The following GRM1 variants were observed in gnomAD, a reference collection of about 807,000 sequenced individuals.
GRM1 encodes the protein glutamate metabotropic receptor 1.
A neutral mutation model predicts 90.9 loss-of-function variants in GRM1; 33 were observed. That is an observed-to-expected ratio of 0.36 (90% CI 0.28 to 0.49). GRM1 has a LOEUF of 0.49. Ranked by LOEUF, GRM1 falls within the 20% of genes least tolerant of loss-of-function variation. The pLI is 0.99. For missense variants in GRM1, 1,190 were observed against 1,534.3 expected (o/e 0.78, Z 3.75); for synonymous variants, 700 against 613.2 (o/e 1.14, Z -2.09).
intron 2 of GRM1, among the ~76,000 whole-genome samples, chr6:146,184,050 C>T (rs1031225027): frequency 6.6e-6 from 1 of 152,090 alleles, no homozygotes; most frequent in Non-Finnish European, 1.5e-5. Context: ...TGGAACACTG[C>T]TGGATTTAGC....
At chr6:146,169,130 T>C (rs1256624974) in intron 2 of GRM1, among the ~76,000 whole-genome samples, 1 of 152,144 alleles carries the variant, frequency 6.6e-6, no homozygotes, top group Non-Finnish European at 1.5e-5. Context: ...TCCACTTTTT[T>C]CTTTTACATT....
At chr6:146,101,678 A>G (rs1298586563) in intron 1 of GRM1, among the ~76,000 whole-genome samples, 1 of 152,096 alleles carries the variant, frequency 6.6e-6, no homozygotes, top group East Asian at 1.9e-4. Context: ...AGCACTGTAG[A>G]ACATTGCTAT....
chr6:146,032,099 A>G (rs1449516257), intron 1 of GRM1, among the ~76,000 whole-genome samples: 4 of 152,152 alleles, frequency 2.6e-5, no homozygotes, highest in Non-Finnish European at 5.9e-5. Flanking sequence ...AATGAATTGA[A>G]CATGTTTTCA....
chr6:146,181,054 A>G (rs1357730988), intron 2 of GRM1, among the ~76,000 whole-genome samples: 2 of 152,148 alleles, frequency 1.3e-5, no homozygotes, highest in Non-Finnish European at 2.9e-5. Context: ...TGTGCCAAAG[A>G]AGAGATGACA....
chr6:146,249,107 T>C (rs977822711), intron 2 of GRM1, among the ~76,000 whole-genome samples: 21 of 152,186 alleles, frequency 1.4e-4, no homozygotes, highest in Admixed American at 5.2e-4. Context: ...TTAGAACTTA[T>C]GTTTGAGAAG....
At chr6:146,383,535 GA>G (rs530438141) in intron 5 of GRM1, among the ~76,000 whole-genome samples, 131 of 152,056 alleles carry the variant, frequency 8.6e-4, no homozygotes, top group Non-Finnish European at 1.5e-3. Flanking sequence ...TGCCTATTTT[GA>G]AGATAGGTGT....
At chr6:146,110,731 T>C (rs935081965) in intron 1 of GRM1, among the ~76,000 whole-genome samples, 13 of 152,312 alleles carry the variant, frequency 8.5e-5, no homozygotes, top group African/African-American at 3.1e-4. Context: ...TATTTTGTAT[T>C]TCCTCATAGG....
intron 1 of GRM1, among the ~76,000 whole-genome samples, chr6:146,085,863 TG>T (rs1228430564): frequency 6.6e-6 from 1 of 152,164 alleles, no homozygotes; most frequent in African/African-American, 2.4e-5. Context: ...TGAGTTTTTT[TG>T]GATAACTTCC....
chr6:146,324,586 T>C (rs1380409171), intron 3 of GRM1, among the ~76,000 whole-genome samples: 2 of 152,162 alleles, frequency 1.3e-5, no homozygotes, highest in Non-Finnish European at 2.9e-5. Context: ...CATCTGTGGG[T>C]TGCAAAGACA....
At chr6:146,112,826 A>AT (rs1289645352) in intron 1 of GRM1, among the ~76,000 whole-genome samples, 4 of 151,816 alleles carry the variant, frequency 2.6e-5, no homozygotes, top group African/African-American at 7.3e-5. Context: ...GTTTATTCTC[A>AT]TTTTTTTCAT....
Position 146,098,174 on chromosome 6 carries a change from C to T in GRM1, c.701-61174C>T, listed in dbSNP as rs768652601. On this transcript the variant is annotated intron_variant, in intron 1 of 7. Coordinates refer to ENST00000282753, the MANE Select transcript of GRM1 (RefSeq NM_001278064.2). ...TCTTCAAAATTGTATACTAAAGAAC[C>T]AGGGAGACAATGAAATATCTAAGAT... is the stretch of plus-strand genomic sequence containing the variant. 3.1e-4 allele frequency among the ~76,000 whole-genome samples: 47 copies of T among 152,168 alleles called. 1 individual carries two copies. Among genetic ancestry groups the T allele is most frequent in the South Asian group, 8.3e-4 (4 of 4,816 alleles).
chr6:146,338,043 G>A (rs191329693), intron 3 of GRM1, among the ~76,000 whole-genome samples: 10 of 152,156 alleles, frequency 6.6e-5, no homozygotes, highest in Admixed American at 3.9e-4. Flanking sequence ...CTAAAGAAAC[G>A]TCTTAATCGA....
At chr6:146,036,287 T>TA (rs892379654) in intron 1 of GRM1, among the ~76,000 whole-genome samples, 3 of 151,874 alleles carry the variant, frequency 2.0e-5, no homozygotes, top group African/African-American at 7.2e-5. Context: ...CTACAACCAC[T>TA]AAAAAAACTC....
chr6:146,267,361 T>A (rs147887049), intron 2 of GRM1, among the ~76,000 whole-genome samples: 4 of 152,344 alleles, frequency 2.6e-5, no homozygotes, highest in African/African-American at 7.2e-5. Context: ...TGTCCATGTA[T>A]CTTTATAATA....
intron 1 of GRM1, among the ~76,000 whole-genome samples, chr6:146,030,577 G>A (rs537054976): frequency 2.0e-5 from 3 of 152,308 alleles, no homozygotes; most frequent in African/African-American, 7.2e-5. Flanking sequence ...GACTGGCTAT[G>A]ACTTTCCAGG....
Position 146,200,405 on chromosome 6 carries a change from G to A in GRM1, c.950+40808G>A, listed in dbSNP as rs143067457. On this transcript the variant is annotated intron_variant, in intron 2 of 7. Coordinates refer to ENST00000282753, the MANE Select transcript of GRM1 (RefSeq NM_001278064.2). ...CTTATTCTCTAGAGATTGTTCCCAT[G>A]ATCTCTATCAAATGCCTTTGTGCTC... Among the ~76,000 whole-genome samples, 41 of 152,276 alleles carry A rather than the reference G, an allele frequency of 2.7e-4. No homozygotes were observed. The South Asian group carries it at 5.0e-3, about 18-fold the overall frequency.
chr6:146,235,816 T>A (rs1212023399), intron 2 of GRM1, among the ~76,000 whole-genome samples: 2 of 151,858 alleles, frequency 1.3e-5, no homozygotes, highest in African/African-American at 4.8e-5. Context: ...AAATGATCTA[T>A]CTGATCATGT....
At chr6:146,280,571 A>G (rs906361678) in intron 2 of GRM1, among the ~76,000 whole-genome samples, 1 of 152,124 alleles carries the variant, frequency 6.6e-6, no homozygotes, top group Non-Finnish European at 1.5e-5. Context: ...CACATTTTCT[A>G]CATAATGGAT....
chr6:146,143,516 T>A (rs1016536075), intron 1 of GRM1, among the ~76,000 whole-genome samples: 7 of 152,166 alleles, frequency 4.6e-5, no homozygotes, highest in African/African-American at 1.7e-4. Context: ...CTGGAAGTGG[T>A]CTGGTTTTGT....
Sources: gnomAD v4.1 joint callset for allele counts (sites outside exome capture counted in the v4.1 genomes callset) on GRCh38, gnomAD v4.1.1 for gene constraint, MANE v1.5 for transcripts, NCBI Gene and HGNC (gene_info 2026-07-23, HGNC 2026-07-21) for gene names.